BRAF: variants seen among roughly 807,000 people sequenced by gnomAD.
The protein encoded by BRAF is serine/threonine-protein kinase B-raf.
In BRAF, 16 loss-of-function variants were observed where a neutral mutation model predicts 104.6. That is an observed-to-expected ratio of 0.15 (90% CI 0.10 to 0.23). BRAF has a LOEUF of 0.23. Ranked by LOEUF, BRAF falls within the 10% of genes least tolerant of loss-of-function variation. The pLI, the probability that BRAF is intolerant of heterozygous loss-of-function variation, is 1.00. For synonymous variants in BRAF, 310 were observed against 341.6 expected (o/e 0.91, Z 1.02); for missense variants, 541 against 937.3 (o/e 0.58, Z 5.52).
intron 1 of BRAF, among the ~76,000 whole-genome samples, chr7:140,897,588 G>A (rs1218286861): frequency 4.1e-5 from 6 of 147,024 alleles, no homozygotes; most frequent in East Asian, 2.0e-4. Context: ...TCTGCCTCCC[G>A]GGTTCAAGCA....
intron 5 of BRAF, among the ~76,000 whole-genome samples, chr7:140,804,122 A>C (rs927208641): frequency 2.6e-5 from 4 of 151,120 alleles, no homozygotes; most frequent in African/African-American, 9.7e-5. Flanking sequence ...CCTGACCTCA[A>C]GTGATCCGCC....
intron 1 of BRAF, among the ~76,000 whole-genome samples, chr7:140,916,921 T>C (rs778858653): frequency 3.9e-5 from 6 of 152,130 alleles, no homozygotes; most frequent in Non-Finnish European, 7.4e-5. Flanking sequence ...ATAACTAAGG[T>C]AGTGGGGTAT....
At chr7:140,908,193 T>C (rs901636089) in intron 1 of BRAF, among the ~76,000 whole-genome samples, 2 of 152,200 alleles carry the variant, frequency 1.3e-5, no homozygotes, top group Non-Finnish European at 2.9e-5. Flanking sequence ...CAGTGCCAAT[T>C]GGATGCATGC....
At chr7:140,797,612 C>T (rs1158225417) in intron 7 of BRAF, among the ~76,000 whole-genome samples, 4 of 152,128 alleles carry the variant, frequency 2.6e-5, no homozygotes, top group East Asian at 1.9e-4. Flanking sequence ...AGTTCAGTTA[C>T]CAATAAAATA....
At position 140,738,964 on chromosome 7, in the gene BRAF, T is replaced by TG. The variant is rs201456160; in HGVS notation, c.2247+847dup. ...AACTTAAGGCTTTATCCTTCCAATATGGAAAAAAAAAAAAAAAAGCAGTGA... is the reference window on the plus strand; with the variant it reads ...AACTTAAGGCTTTATCCTTCCAATATGGGAAAAAAAAAAAAAAAAGCAGTGA... On this transcript the variant is annotated intron_variant, in intron 18 of 19. Transcript: ENST00000644969. Among the ~76,000 whole-genome samples the TG allele has an allele frequency of 9.2e-3, 1,171 of 126,652 alleles. 17 individuals carry two copies. The highest frequency in any genetic ancestry group is 0.04 in the African/African-American group (1,105 of 27,752). The allele number at this position is 126,652 out of a possible 152,430, so 83.1% of individuals were successfully genotyped here. A position where few individuals can be genotyped will look rare whatever the true frequency, so the allele number is the denominator to read the frequency against.
At chr7:140,918,415 G>C (rs1476903140) in intron 1 of BRAF, among the ~76,000 whole-genome samples, 2 of 152,188 alleles carry the variant, frequency 1.3e-5, no homozygotes, top group Non-Finnish European at 2.9e-5. Flanking sequence ...TGATCTGACA[G>C]GAGGTGGAGC....
the BRAF span, among the ~76,000 whole-genome samples, chr7:140,713,980 G>A: frequency 9.9e-5 from 15 of 152,144 alleles, no homozygotes; most frequent in Non-Finnish European, 2.1e-4. Context: ...TTTTGTCTCA[G>A]AGGAGTACCC....
At chr7:140,869,230 G>T (rs1811297632) in intron 1 of BRAF, among the ~76,000 whole-genome samples, 1 of 152,134 alleles carries the variant, frequency 6.6e-6, no homozygotes, top group South Asian at 2.1e-4. Context: ...TTTGGAAGTT[G>T]ACAGAAATAA....
At chr7:140,883,744 CA>C (rs1209517578) in intron 1 of BRAF, among the ~76,000 whole-genome samples, 1 of 152,144 alleles carries the variant, frequency 6.6e-6, no homozygotes, top group African/African-American at 2.4e-5. Context: ...AAACTAACCC[CA>C]GTATGTATGT....
intron 9 of BRAF, among the ~76,000 whole-genome samples, chr7:140,787,083 C>G (rs1040360423): frequency 6.6e-6 from 1 of 151,830 alleles, no homozygotes; most frequent in South Asian, 2.1e-4. Flanking sequence ...GGGCGGATCA[C>G]GAGGTCAGGA....
At chr7:140,788,869 A>G (rs963782290) in intron 8 of BRAF, among the ~76,000 whole-genome samples, 1 of 151,850 alleles carries the variant, frequency 6.6e-6, no homozygotes, top group Non-Finnish European at 1.5e-5. Context: ...GATTACATGC[A>G]TAAGCCGCCG....
intron 14 of BRAF, among the ~76,000 whole-genome samples, chr7:140,761,662 C>T (rs1448626249): frequency 3.3e-5 from 5 of 152,058 alleles, no homozygotes; most frequent in Non-Finnish European, 5.9e-5. Flanking sequence ...TGCAGAGACA[C>T]ACATAGGCTC....
rs1795445067 is a variant in BRAF at position 140,723,840 on chromosome 7, A to G, written c.*2654T>C. 1 of 1,046,344 alleles carries G rather than the reference A, an allele frequency of 9.6e-7. No homozygotes were observed. Among genetic ancestry groups the G allele is most frequent in the Non-Finnish European group, 1.2e-6 (1 of 867,318 alleles). The allele number at this position is 1,046,344 out of a possible 1,614,324, so 64.8% of individuals were successfully genotyped here. The stretch of plus-strand genomic sequence containing the variant: ...TACTCATAAAGTGCTTTTCACAAAT[A>G]AGGACTTCTTCCTCGTTTTTTTAGG... On this transcript the variant is annotated 3_prime_UTR_variant, in exon 20 of 20. Coordinates refer to ENST00000644969, the MANE Select transcript of BRAF (RefSeq NM_001374258.1).
In BRAF at chr7:140,881,398, C is replaced by T. The variant is rs570739682; in HGVS notation, c.139-31186G>A. ...ATCACTAAAACTTTCTCCATCTCAG[C>T]AATTAGGCTGTTTTGCTTGCCTGCT... On this transcript the variant is annotated intron_variant, in intron 1 of 19. Coordinates refer to ENST00000644969, the MANE Select transcript of BRAF (RefSeq NM_001374258.1). Among the ~76,000 whole-genome samples the T allele has an allele frequency of 1.1e-4, 16 of 152,286 alleles. No homozygotes were observed. In the South Asian group the frequency reaches 1.5e-3, roughly 14 times the overall value.
rs546076145 is a variant in BRAF at position 140,924,486 on chromosome 7, C to T, written c.138+80G>A. Reference sequence around the variant, plus strand: ...GTGGCTGAGGGCATCAAGCCCCCACCGCCGCCTCTTTCCAAAATAAACACC... The same window carrying T: ...GTGGCTGAGGGCATCAAGCCCCCACTGCCGCCTCTTTCCAAAATAAACACC... On this transcript the variant is annotated intron_variant, in intron 1 of 19. Transcript: ENST00000644969. This position sits in a 1 kb window ranked among gnomAD's most constrained non-coding sequence, Gnocchi z 4.2. The T allele has an allele frequency of 2.5e-4, 387 of 1,525,924 alleles. 1 individual carries two copies. The Middle Eastern group carries it at 4.7e-3, about 18-fold the overall frequency. The allele number at this position is 1,525,924 out of a possible 1,614,324, so 94.5% of individuals were successfully genotyped here.
chr7:140,805,421 G>A (rs1803560812), intron 5 of BRAF, among the ~76,000 whole-genome samples: 1 of 152,112 alleles, frequency 6.6e-6, no homozygotes, highest in African/African-American at 2.4e-5. Context: ...CAAAACAGCT[G>A]AAGGAAAGAA....
chr7:140,778,358 T>C (rs1800529572), intron 12 of BRAF, among the ~76,000 whole-genome samples: 1 of 152,202 alleles, frequency 6.6e-6, no homozygotes. Context: ...ACCCATGGTA[T>C]TTTCCAAATT....
At chr7:140,920,873 A>T (rs370364048) in intron 1 of BRAF, among the ~76,000 whole-genome samples, 2 of 152,352 alleles carry the variant, frequency 1.3e-5, no homozygotes, top group East Asian at 3.9e-4. Flanking sequence ...ATATATCTGT[A>T]TAAGTATTAA....
At chr7:140,885,608 A>G (rs1269525783) in intron 1 of BRAF, among the ~76,000 whole-genome samples, 1 of 152,194 alleles carries the variant, frequency 6.6e-6, no homozygotes, top group East Asian at 1.9e-4. Flanking sequence ...CTGTGTTACA[A>G]TGTAGTTTCC....
Sources: gnomAD v4.1 joint callset for allele counts (sites outside exome capture counted in the v4.1 genomes callset) on GRCh38, gnomAD v4.1.1 for gene constraint, Gnocchi (gnomAD v3.1) non-coding constraint, MANE v1.5 for transcripts, NCBI Gene and HGNC (gene_info 2026-07-23, HGNC 2026-07-21) for gene names.